The following NRXN1 variants were observed in gnomAD, a reference collection of about 807,000 sequenced individuals.
NRXN1 encodes neurexin-1.
NRXN1 carries 39 observed loss-of-function variants against 150.9 expected under a neutral mutation model. That is an observed-to-expected ratio of 0.26 (90% CI 0.20 to 0.34). NRXN1 has a LOEUF of 0.34. Ranked by LOEUF, NRXN1 falls within the 10% of genes least tolerant of loss-of-function variation. The pLI, the probability that NRXN1 is intolerant of heterozygous loss-of-function variation, is 1.00. For missense variants in NRXN1, 1,815 were observed against 1,949.9 expected, an observed-to-expected ratio of 0.93 and a Z score of 1.30; for synonymous variants, 924 against 757.0, an observed-to-expected ratio of 1.22 and a Z score of -3.62.
Position 50,347,355 on chromosome 2 carries a change from A to G in NRXN1, c.3365-110385T>C. The G allele has an allele frequency of 8.2e-7, 1 of 1,218,280 alleles. No individual in the cohort carries two copies. Among genetic ancestry groups the G allele is most frequent in the Non-Finnish European group, 1.0e-6 (1 of 955,896 alleles). The allele number at this position is 1,218,280 out of a possible 1,614,324, so 75.5% of individuals were successfully genotyped here. A position where few individuals can be genotyped will look rare whatever the true frequency, so the allele number is the denominator to read the frequency against. Reference sequence around the variant, plus strand: ...TTAAAGCTCCTCCTGGAAGGTCCTCACTTCTACATGACAGACATCCACCGC... The same window carrying G: ...TTAAAGCTCCTCCTGGAAGGTCCTCGCTTCTACATGACAGACATCCACCGC... On this transcript the variant is annotated intron_variant, in intron 17 of 22. Transcript: ENST00000401669. This position sits in a 1 kb window ranked among gnomAD's most constrained non-coding sequence, Gnocchi z 4.9.
intron 19 of NRXN1, among the ~76,000 whole-genome samples, chr2:50,071,317 C>G (rs1696264247): frequency 1.4e-4 from 22 of 152,164 alleles, no homozygotes; most frequent in Admixed American, 1.4e-3. Context: ...GTTATGAGCT[C>G]AATTGTTTAT....
intron 5 of NRXN1, among the ~76,000 whole-genome samples, chr2:50,801,869 G>A (rs973309110): frequency 1.3e-5 from 2 of 152,008 alleles, no homozygotes; most frequent in South Asian, 2.1e-4. Context: ...TCCTTAAATC[G>A]AAATCAAACT....
At chr2:50,894,856 A>G (rs1681677712) in intron 5 of NRXN1, among the ~76,000 whole-genome samples, 1 of 152,206 alleles carries the variant, frequency 6.6e-6, no homozygotes, top group Non-Finnish European at 1.5e-5. Context: ...AATATAAATT[A>G]TACCACGATG....
intron 5 of NRXN1, among the ~76,000 whole-genome samples, chr2:50,905,369 A>C (rs1683523405): frequency 6.6e-6 from 1 of 152,136 alleles, no homozygotes; most frequent in Admixed American, 6.5e-5. Context: ...AAGACACATA[A>C]ATGTGTGAGT....
In NRXN1 at chr2:50,989,999, T is replaced by A. The variant is rs186807111; in HGVS notation, c.772+37503A>T. Among the ~76,000 whole-genome samples, 278 of 152,118 alleles carry A rather than the reference T, an allele frequency of 1.8e-3. 2 individuals are homozygous for A. The highest frequency in any genetic ancestry group is 4.8e-3 in the African/African-American group (199 of 41,552). Reference sequence around the variant, plus strand: ...CCAGTACTTGATATTGTCATTTTTTTAAAAAATTAGCCATTCTAATAAAGG... The same window carrying A: ...CCAGTACTTGATATTGTCATTTTTTAAAAAAATTAGCCATTCTAATAAAGG... On this transcript the variant is annotated intron_variant, in intron 2 of 22. Transcript: ENST00000401669.
At chr2:50,515,992 A>T (rs976578069) in intron 12 of NRXN1, among the ~76,000 whole-genome samples, 1 of 152,142 alleles carries the variant, frequency 6.6e-6, no homozygotes, top group Non-Finnish European at 1.5e-5. Context: ...CAGTTAAAAA[A>T]ATTCAAAGGA....
intron 5 of NRXN1, among the ~76,000 whole-genome samples, chr2:50,698,584 G>T (rs937315884): frequency 6.6e-6 from 1 of 152,112 alleles, no homozygotes; most frequent in Non-Finnish European, 1.5e-5. Context: ...ATTCTCAATA[G>T]AGTAAACACT....
intron 18 of NRXN1, among the ~76,000 whole-genome samples, chr2:50,116,909 A>C (rs551355990): frequency 6.6e-6 from 1 of 152,186 alleles, no homozygotes; most frequent in South Asian, 2.1e-4. Context: ...ACCAACTAAA[A>C]ATGACTTAAA....
At chr2:50,875,069 T>C (rs1227611288) in intron 5 of NRXN1, among the ~76,000 whole-genome samples, 1 of 151,784 alleles carries the variant, frequency 6.6e-6, no homozygotes, top group East Asian at 2.0e-4. Flanking sequence ...TTGTTTTTGT[T>C]GTGTTCTACT....
chr2:50,479,158 T>C (rs1030405159), intron 15 of NRXN1, among the ~76,000 whole-genome samples: 3 of 152,226 alleles, frequency 2.0e-5, no homozygotes, highest in Non-Finnish European at 2.9e-5. Flanking sequence ...CTTTCAAAAA[T>C]AACTTTTGCC....
At chr2:50,088,130 C>A (rs984504790) in intron 19 of NRXN1, among the ~76,000 whole-genome samples, 2 of 152,108 alleles carry the variant, frequency 1.3e-5, no homozygotes, top group Admixed American at 6.5e-5. Context: ...ATACCACAAA[C>A]TGACATAAAA....
intron 21 of NRXN1, among the ~76,000 whole-genome samples, chr2:50,018,654 T>C (rs1687021676): frequency 6.6e-6 from 1 of 152,218 alleles, no homozygotes; most frequent in Admixed American, 6.5e-5. Flanking sequence ...AGACTGCTGA[T>C]TTGATATGAA....
intron 5 of NRXN1, among the ~76,000 whole-genome samples, chr2:50,651,269 A>C (rs539643428): frequency 6.6e-6 from 1 of 152,122 alleles, no homozygotes; most frequent in Admixed American, 6.6e-5. Context: ...CCTGAAAAAT[A>C]AAATTAACTC....
chr2:50,606,160 G>C (rs1677078183), intron 8 of NRXN1, among the ~76,000 whole-genome samples: 1 of 145,750 alleles, frequency 6.9e-6, no homozygotes, highest in Non-Finnish European at 1.5e-5. Context: ...TGAGGCAGAA[G>C]AATGGTTGAA....
At chr2:50,168,758 AC>A (rs1467840343) in intron 18 of NRXN1, among the ~76,000 whole-genome samples, 1 of 152,148 alleles carries the variant, frequency 6.6e-6, no homozygotes, top group East Asian at 1.9e-4. Context: ...CATGAATGCA[AC>A]CCCAGAAGAA....
intron 9 of NRXN1, among the ~76,000 whole-genome samples, chr2:50,545,555 A>G (rs934063848): frequency 1.1e-4 from 17 of 152,158 alleles, no homozygotes; most frequent in African/African-American, 3.9e-4. Context: ...CCCAGGTTTG[A>G]CTGATATTTA....
At chr2:50,217,203 T>A (rs780866280) in intron 18 of NRXN1, among the ~76,000 whole-genome samples, 1 of 152,102 alleles carries the variant, frequency 6.6e-6, no homozygotes, top group Non-Finnish European at 1.5e-5. Context: ...TCCTTGATTA[T>A]GAGGACCAAA....
rs112942369 is a variant in NRXN1 at position 50,402,302 on chromosome 2, TA to T, written c.3364+63139del. Among the ~76,000 whole-genome samples the T allele has an allele frequency of 1.4e-3, 216 of 152,184 alleles. 1 individual carries two copies. Among genetic ancestry groups the T allele is most frequent in the Admixed American group, 3.0e-3 (46 of 15,272 alleles). ...GAAATCATTTTTTTGTTGGTTTTTT[TA>T]AATGGTAGACTTATTTGCTACATCA... On this transcript the variant is annotated intron_variant, in intron 17 of 22. Transcript: ENST00000401669.
chr2:49,950,510 A>C (rs1310070925), intron 21 of NRXN1, among the ~76,000 whole-genome samples: 1 of 152,026 alleles, frequency 6.6e-6, no homozygotes, highest in Non-Finnish European at 1.5e-5. Flanking sequence ...GATAGGCATA[A>C]AATATTCTCA....
Sources: gnomAD v4.1 joint callset for allele counts (sites outside exome capture counted in the v4.1 genomes callset) on GRCh38, gnomAD v4.1.1 for gene constraint, Gnocchi (gnomAD v3.1) non-coding constraint, MANE v1.5 for transcripts, NCBI Gene and HGNC (gene_info 2026-07-23, HGNC 2026-07-21) for gene names.